SLC8A1: variants seen among roughly 807,000 people sequenced by gnomAD.
The protein encoded by SLC8A1 is sodium/calcium exchanger 1.
In SLC8A1, 18 loss-of-function variants were observed where a neutral mutation model predicts 68.3. The observed-to-expected ratio is 0.26, with a 90% CI of 0.18 to 0.39. SLC8A1 has a LOEUF of 0.39. SLC8A1 is among the 10% of genes least tolerant of loss of function. SLC8A1 has a pLI of 1.00. For synonymous variants in SLC8A1, 475 were observed against 415.5 expected (o/e 1.14, Z -1.74); for missense variants, 985 against 1,156.7 (o/e 0.85, Z 2.15).
exon 8 of SLC8A1, chr2:40,107,081 G>A (rs941649146): frequency 6.6e-6 from 1 of 151,882 alleles, no homozygotes; most frequent in African/African-American, 2.4e-5. Flanking sequence ...GCTAAAATAC[G>A]AACGGCAGAG....
At chr2:40,481,536 G>C (rs1450148706) in intron 1 of SLC8A1, among the ~76,000 whole-genome samples, 1 of 152,170 alleles carries the variant, frequency 6.6e-6, no homozygotes, top group Admixed American at 6.5e-5. Flanking sequence ...TAGGATGTCT[G>C]ATAACTGTTA....
chr2:40,439,477 G>A (rs1257911849), intron 1 of SLC8A1, among the ~76,000 whole-genome samples: 1 of 152,114 alleles, frequency 6.6e-6, no homozygotes, highest in Non-Finnish European at 1.5e-5. Context: ...ACGAATCCCT[G>A]TGGTCACTCT....
chr2:40,154,332 C>G (rs551128760), intron 6 of SLC8A1, among the ~76,000 whole-genome samples: 1 of 95,362 alleles, frequency 1.0e-5, no homozygotes, highest in Non-Finnish European at 1.9e-5. Flanking sequence ...GAGACGGAGT[C>G]TTGCTCTGTC....
At chr2:40,495,979 C>T (rs921461715) in intron 1 of SLC8A1, among the ~76,000 whole-genome samples, 1 of 152,058 alleles carries the variant, frequency 6.6e-6, no homozygotes, top group Non-Finnish European at 1.5e-5. Flanking sequence ...ATTTATCTAT[C>T]GGTCTAATCT....
chr2:40,196,251 A>T (rs1328205774), intron 2 of SLC8A1, among the ~76,000 whole-genome samples: 1 of 152,052 alleles, frequency 6.6e-6, no homozygotes, highest in Non-Finnish European at 1.5e-5. Context: ...AATACAAAAG[A>T]GGAGTTGAAT....
intron 2 of SLC8A1, among the ~76,000 whole-genome samples, chr2:40,237,221 C>T (rs2060514693): frequency 6.6e-6 from 1 of 152,168 alleles, no homozygotes; most frequent in Admixed American, 6.5e-5. Flanking sequence ...GTTCCATTGT[C>T]CCCATCGCTT....
intron 2 of SLC8A1, among the ~76,000 whole-genome samples, chr2:40,185,350 G>A (rs185852560): frequency 9.2e-5 from 14 of 152,274 alleles, no homozygotes; most frequent in Middle Eastern, 6.8e-3. Context: ...TAGGTTCATC[G>A]GCTGATAAAT....
intron 2 of SLC8A1, among the ~76,000 whole-genome samples, chr2:40,331,189 T>C (rs955489111): frequency 1.3e-5 from 2 of 152,204 alleles, no homozygotes; most frequent in Middle Eastern, 3.2e-3. Flanking sequence ...GTAATTGCCA[T>C]ATAGTGTGCT....
At chr2:40,506,114 T>G (rs963023618) in intron 1 of SLC8A1, among the ~76,000 whole-genome samples, 1 of 151,732 alleles carries the variant, frequency 6.6e-6, no homozygotes, top group Non-Finnish European at 1.5e-5. Flanking sequence ...CTTTTTTTTT[T>G]TTTTTTTGAC....
At chr2:40,168,085 GTAC>G (rs2046851646) in intron 4 of SLC8A1, among the ~76,000 whole-genome samples, 1 of 152,044 alleles carries the variant, frequency 6.6e-6, no homozygotes, top group East Asian at 1.9e-4. Flanking sequence ...ACATCTCATT[GTAC>G]TCCATACCAT....
At chr2:40,466,969 A>G (rs1703710643) in intron 1 of SLC8A1, among the ~76,000 whole-genome samples, 1 of 35,174 alleles carries the variant, frequency 2.8e-5, no homozygotes, top group African/African-American at 7.9e-5. Flanking sequence ...GGAATGAGTT[A>G]TCTAAAAAAA....
At chr2:40,299,957 T>C (rs975102843) in intron 2 of SLC8A1, among the ~76,000 whole-genome samples, 1 of 152,102 alleles carries the variant, frequency 6.6e-6, no homozygotes, top group Non-Finnish European at 1.5e-5. Context: ...CATAGATATC[T>C]CTATCACATT....
At chr2:40,352,662 G>T (rs895481616) in intron 2 of SLC8A1, among the ~76,000 whole-genome samples, 1 of 152,198 alleles carries the variant, frequency 6.6e-6, no homozygotes, top group Non-Finnish European at 1.5e-5. Context: ...GTGTACTTAG[G>T]ATTTAGCCTC....
chr2:40,152,420 T>C (rs1232127507), intron 6 of SLC8A1, among the ~76,000 whole-genome samples: 1 of 152,090 alleles, frequency 6.6e-6, no homozygotes, highest in East Asian at 1.9e-4. Context: ...AGTTTTTTGT[T>C]TTGAGACACA....
At chr2:40,194,523 C>A (rs115875107) in intron 2 of SLC8A1, among the ~76,000 whole-genome samples, 5 of 139,754 alleles carry the variant, frequency 3.6e-5, no homozygotes, top group African/African-American at 1.1e-4. Flanking sequence ...GCAAAGAAAA[C>A]GAGAGGGAGA....
chr2:40,222,248 C>A (rs1049808094), intron 2 of SLC8A1, among the ~76,000 whole-genome samples: 1 of 151,984 alleles, frequency 6.6e-6, no homozygotes, highest in Non-Finnish European at 1.5e-5. Flanking sequence ...TGATCTTTGA[C>A]AAACCTGACC....
intron 2 of SLC8A1, among the ~76,000 whole-genome samples, chr2:40,346,930 C>A (rs998494343): frequency 6.6e-6 from 1 of 152,146 alleles, no homozygotes; most frequent in African/African-American, 2.4e-5. Context: ...AGCCCACACA[C>A]AAGCAGGTTA....
chr2:40,118,761 A>G (rs2036122770), intron 7 of SLC8A1, among the ~76,000 whole-genome samples: 1 of 152,020 alleles, frequency 6.6e-6, no homozygotes, highest in African/African-American at 2.4e-5. Context: ...GGCTGGTAGC[A>G]CTGGCTGGTG....
intron 2 of SLC8A1, among the ~76,000 whole-genome samples, chr2:40,275,672 C>T (rs2066611059): frequency 6.6e-6 from 1 of 152,152 alleles, no homozygotes; most frequent in South Asian, 2.1e-4. Context: ...AAATGAAGGT[C>T]ATTTAAAAAT....
Sources: allele counts gnomAD v4.1 joint callset (sites outside exome capture counted in the v4.1 genomes callset), GRCh38; gene constraint gnomAD v4.1.1; transcripts MANE v1.5; gene names NCBI Gene and HGNC (gene_info 2026-07-23, HGNC 2026-07-21).